The following SPOP variants were observed in gnomAD, a reference collection of about 807,000 sequenced individuals.
SPOP encodes the protein speckle type BTB/POZ protein, also known as speckle-type POZ protein.
Under a neutral mutation model 45.6 loss-of-function variants are expected in SPOP, and 11 were observed. The ratio of observed to expected loss-of-function variants is 0.24; its 90% CI spans 0.15 to 0.40. SPOP has a LOEUF of 0.40. Ranked by LOEUF, SPOP falls within the 10% of genes least tolerant of loss-of-function variation. SPOP has a pLI of 1.00. For synonymous variants in SPOP, 166 were observed against 166.3 expected, an observed-to-expected ratio of 1.00 and a Z score of 0.01; for missense variants, 152 against 465.6, an observed-to-expected ratio of 0.33 and a Z score of 6.20.
At position 49,666,783 on chromosome 17, in the gene SPOP, G is replaced by A. The variant is rs1407334729; in HGVS notation, c.-67+11150C>T. Among the ~76,000 whole-genome samples the A allele has an allele frequency of 5.3e-5, 8 of 149,540 alleles. No individual in the cohort carries two copies. In the South Asian group the frequency reaches 1.1e-3, roughly 20 times the overall value. ...GCAGAGGTGGCAGTGAGCCAAGATCGCACCACTGCAACTCCAGCCTGGGCA... is the reference window on the plus strand; with the variant it reads ...GCAGAGGTGGCAGTGAGCCAAGATCACACCACTGCAACTCCAGCCTGGGCA... On this transcript the variant is annotated intron_variant, in intron 1 of 9. Transcript: ENST00000504102.
chr17:49,638,979 C>G (rs1043881586), intron 1 of SPOP, among the ~76,000 whole-genome samples: 1 of 152,184 alleles, frequency 6.6e-6, no homozygotes, highest in African/African-American at 2.4e-5. Context: ...AGCCAACAAT[C>G]CCACGTAGTT....
In SPOP at chr17:49,678,066, CAT is replaced by C. The variant is rs967098125; in HGVS notation, c.-202_-201del. 13 of 398,980 alleles carry C rather than the reference CAT, an allele frequency of 3.3e-5. No homozygotes were observed. Among genetic ancestry groups the C allele is most frequent in the African/African-American group, 6.2e-5 (3 of 48,588 alleles). 24.7% of individuals were successfully genotyped at this position (398,980 alleles called of 1,614,324 possible). On this transcript the variant is annotated 5_prime_UTR_variant, in exon 1 of 10. An upstream start codon of the reference 5' UTR is lost. Transcript: ENST00000504102. ...CGGAGCGCGCACACTCACACACACA[CAT>C]ACACACCGACACACACCAGCCGGGG...
At chr17:49,604,006 G>A (rs1325211738) in intron 8 of SPOP, among the ~76,000 whole-genome samples, 1 of 152,150 alleles carries the variant, frequency 6.6e-6, no homozygotes, top group African/African-American at 2.4e-5. Context: ...TTGGCTCTGC[G>A]GATATACAAC....
In SPOP at chr17:49,665,649, GACACACACACACACAC is replaced by G. The variant is rs71352530; in HGVS notation, c.-67+12268_-67+12283del. On this transcript the variant is annotated intron_variant, in intron 1 of 9. Transcript: ENST00000504102. ...CAAAAAAAGATTATATATATATACA[GACACACACACACACAC>G]ACACACACACACACACACACACACA... is the stretch of plus-strand genomic sequence containing the variant. 8.2e-3 allele frequency among the ~76,000 whole-genome samples: 1,034 copies of G among 126,786 alleles called. 12 individuals carry two copies. The highest frequency in any genetic ancestry group is 0.027 in the African/African-American group (931 of 34,702). The allele number at this position is 126,786 out of a possible 152,430, so 83.2% of individuals were successfully genotyped here.
chr17:49,676,078 A>G (rs1200328087), intron 1 of SPOP: 2 of 152,198 alleles, frequency 1.3e-5, no homozygotes, highest in Non-Finnish European at 2.9e-5. Context: ...CCTACTGAGA[A>G]GACGGACACT....
At chr17:49,608,594 T>C (rs2071900126) in intron 6 of SPOP, among the ~76,000 whole-genome samples, 1 of 152,260 alleles carries the variant, frequency 6.6e-6, no homozygotes, top group Admixed American at 6.5e-5. Context: ...AATTTAGTTT[T>C]TCTCCTTAGA....
chr17:49,647,835 CATT>C (rs758117521), intron 1 of SPOP, among the ~76,000 whole-genome samples: 1 of 152,138 alleles, frequency 6.6e-6, no homozygotes, highest in Non-Finnish European at 1.5e-5. Flanking sequence ...ACCTAATCAT[CATT>C]AATTTTTTCA....
intron 1 of SPOP, among the ~76,000 whole-genome samples, chr17:49,626,900 G>A (rs2072342329): frequency 6.6e-6 from 1 of 152,026 alleles, no homozygotes; most frequent in Admixed American, 6.6e-5. Context: ...CGCCCAGGCT[G>A]GAGTGCAGTG....
At chr17:49,649,765 C>G (rs2072815963) in intron 1 of SPOP, among the ~76,000 whole-genome samples, 1 of 150,040 alleles carries the variant, frequency 6.7e-6, no homozygotes, top group South Asian at 2.1e-4. Context: ...GGAGGAGGAG[C>G]TTGCAGTGAG....
At chr17:49,656,058 T>C (rs1437532062) in intron 1 of SPOP, among the ~76,000 whole-genome samples, 2 of 152,140 alleles carry the variant, frequency 1.3e-5, no homozygotes, top group Non-Finnish European at 2.9e-5. Flanking sequence ...GTGATCCACC[T>C]GCCTCAGCCT....
chr17:49,641,961 G>A (rs770773176), intron 1 of SPOP, among the ~76,000 whole-genome samples: 12 of 152,072 alleles, frequency 7.9e-5, no homozygotes, highest in Non-Finnish European at 4.4e-5. Flanking sequence ...GGGAGGCAGA[G>A]GTTGCAGTGA....
intron 2 of SPOP, 179 bp from the exon 3 acceptor site, chr17:49,622,246 C>T (rs1415092557): frequency 2.6e-6 from 2 of 762,686 alleles, no homozygotes; most frequent in Non-Finnish European, 4.4e-6. Context: ...CTCACACTGA[C>T]CAATAGCTTT....
At position 49,621,673 on chromosome 17, in the gene SPOP, G is replaced by A. The variant is rs2072223756; in HGVS notation, c.200+273C>T. ...AGCAGTCACCAGTCATTCCATTTAT[G>A]GATATCATTTATAACACTGGCTTTC... On this transcript the variant is annotated intron_variant, in intron 3 of 9. Transcript: ENST00000504102. Among the ~76,000 whole-genome samples, 3 of 152,156 alleles carry A rather than the reference G, an allele frequency of 2.0e-5. No homozygotes were observed. The South Asian group carries it at 6.2e-4, about 32-fold the overall frequency.
chr17:49,615,727 A>C (rs1243397168), intron 5 of SPOP, among the ~76,000 whole-genome samples: 2 of 152,076 alleles, frequency 1.3e-5, no homozygotes, highest in African/African-American at 4.8e-5. Context: ...TGTCAAGAAA[A>C]CTTGGGACCC....
intron 5 of SPOP, among the ~76,000 whole-genome samples, chr17:49,616,094 A>T (rs1183829984): frequency 5.3e-5 from 8 of 152,238 alleles, no homozygotes; most frequent in Admixed American, 4.6e-4. Flanking sequence ...ATCACCCTGA[A>T]CACGCCTGAT....
At chr17:49,636,782 C>CA (rs1380258647) in intron 1 of SPOP, 2 of 152,082 alleles carry the variant, frequency 1.3e-5, no homozygotes, top group Non-Finnish European at 2.9e-5. Context: ...TAGGAAAACT[C>CA]TAATTTGTCT....
Position 49,599,856 on chromosome 17 carries a change from C to A in SPOP, c.*522G>T, listed in dbSNP as rs1315466095. The A allele has an allele frequency of 2.7e-5, 6 of 218,304 alleles. No homozygotes were observed. Among genetic ancestry groups the A allele is most frequent in the African/African-American group, 4.5e-5 (2 of 44,430 alleles). 13.5% of individuals were successfully genotyped at this position (218,304 alleles called of 1,614,324 possible). A position where few individuals can be genotyped will look rare whatever the true frequency, so the allele number is the denominator to read the frequency against. On this transcript the variant is annotated 3_prime_UTR_variant, in exon 10 of 10. Coordinates refer to ENST00000504102, the MANE Select transcript of SPOP (RefSeq NM_001007228.2). ...CTTGTATGGTGGTAAGGAGTTTTCA[C>A]AAATATCCAAGTTTTAGCACAGTTA...
intron 1 of SPOP, among the ~76,000 whole-genome samples, chr17:49,639,365 A>C (rs1203340288): frequency 6.6e-6 from 1 of 152,176 alleles, no homozygotes; most frequent in Non-Finnish European, 1.5e-5. Flanking sequence ...GTTTATTATT[A>C]TCTAATAAGA....
At chr17:49,649,560 C>T (rs2072812453) in intron 1 of SPOP, among the ~76,000 whole-genome samples, 2 of 149,884 alleles carry the variant, frequency 1.3e-5, no homozygotes, top group African/African-American at 2.5e-5. Context: ...AGGCCGGGCG[C>T]GGTGGCTCAC....
Sources: allele counts gnomAD v4.1 joint callset (sites outside exome capture counted in the v4.1 genomes callset), GRCh38; gene constraint gnomAD v4.1.1; transcripts MANE v1.5; gene names NCBI Gene and HGNC (gene_info 2026-07-23, HGNC 2026-07-21).